The following UBE3C variants were observed in gnomAD, a reference collection of about 807,000 sequenced individuals.
UBE3C encodes ubiquitin-protein ligase E3C.
A neutral mutation model predicts 129.4 loss-of-function variants in UBE3C; 42 were observed. The ratio of observed to expected loss-of-function variants is 0.32; its 90% CI spans 0.25 to 0.42. The LOEUF is 0.42. Among genes scored for constraint, UBE3C ranks in the 10% least tolerant of loss-of-function variants. The probability of loss-of-function intolerance (pLI) is 1.00; values close to 1 mark genes in which losing one functional copy is unlikely to be tolerated. For missense variants in UBE3C, 1,049 were observed against 1,319.1 expected, an observed-to-expected ratio of 0.80 and a Z score of 3.17; for synonymous variants, 510 against 492.4, an observed-to-expected ratio of 1.04 and a Z score of -0.47.
At chr7:157,201,838 T>C (rs749998287) in intron 11 of UBE3C, 31 bp downstream of exon 11, 62 of 1,566,380 alleles carry the variant, frequency 4.0e-5, no homozygotes, top group Non-Finnish European at 5.1e-5. Flanking sequence ...TAAATTGAGC[T>C]CAAGGGCACA....
chr7:157,140,374 A>G (rs1271077306), intron 1 of UBE3C, among the ~76,000 whole-genome samples: 2 of 152,172 alleles, frequency 1.3e-5, no homozygotes, highest in Non-Finnish European at 2.9e-5. Context: ...GAACCTGGGT[A>G]AAGAGTTGGG....
At chr7:157,179,352 A>G (rs987341368) in intron 6 of UBE3C, among the ~76,000 whole-genome samples, 7 of 152,114 alleles carry the variant, frequency 4.6e-5, no homozygotes, top group African/African-American at 1.7e-4. Context: ...AGAATAGGAT[A>G]TTTAGTTTGA....
At chr7:157,184,250 T>C (rs1808749837) in intron 9 of UBE3C, among the ~76,000 whole-genome samples, 1 of 152,190 alleles carries the variant, frequency 6.6e-6, no homozygotes, top group Non-Finnish European at 1.5e-5. Context: ...GACACATAGC[T>C]TTGTGTTTGG....
At chr7:157,228,453 C>T (rs1795936261) in intron 17 of UBE3C, among the ~76,000 whole-genome samples, 2 of 152,224 alleles carry the variant, frequency 1.3e-5, no homozygotes, top group Non-Finnish European at 2.9e-5. Context: ...GAGAGTGAGG[C>T]ACAGCTGGCT....
chr7:157,225,323 A>C, intron 16 of UBE3C, 84 bp from the exon 17 acceptor site: 1 of 1,475,344 alleles, frequency 6.8e-7, no homozygotes, highest in Non-Finnish European at 9.1e-7. Flanking sequence ...AAGATACAAA[A>C]GATAAGATTT....
chr7:157,249,815 TTAA>T (rs1258489380), intron 19 of UBE3C, among the ~76,000 whole-genome samples: 3 of 152,244 alleles, frequency 2.0e-5, no homozygotes, highest in African/African-American at 7.2e-5. Flanking sequence ...AAAATAATTA[TTAA>T]TGAGTTAGTA....
intron 10 of UBE3C, among the ~76,000 whole-genome samples, chr7:157,190,267 TG>T (rs1223055458): frequency 6.6e-6 from 1 of 152,158 alleles, no homozygotes; most frequent in Non-Finnish European, 1.5e-5. Flanking sequence ...ACCTCTCCTC[TG>T]TCCCCTCCCA....
At chr7:157,256,776 C>A in intron 21 of UBE3C, 138 bp from the exon 22 acceptor site, 1 of 1,071,938 alleles carries the variant, frequency 9.3e-7, no homozygotes, top group Non-Finnish European at 1.4e-6. Flanking sequence ...AGGTGATACA[C>A]ACATGCCACG....
chr7:157,158,042 C>G (rs79730306), intron 1 of UBE3C, among the ~76,000 whole-genome samples: 1 of 133,468 alleles, frequency 7.5e-6, no homozygotes, highest in Non-Finnish European at 1.6e-5. Flanking sequence ...TCTGTACACT[C>G]TTTTTTCCTT....
chr7:157,162,361 A>G (rs1302014692), intron 1 of UBE3C, among the ~76,000 whole-genome samples: 1 of 151,072 alleles, frequency 6.6e-6, no homozygotes, highest in Non-Finnish European at 1.5e-5. Flanking sequence ...TGCCCGGCTA[A>G]TTTTTGTATT....
intron 1 of UBE3C, among the ~76,000 whole-genome samples, chr7:157,156,600 C>T (rs1382739701): frequency 4.6e-5 from 7 of 151,846 alleles, no homozygotes; most frequent in African/African-American, 9.7e-5. Flanking sequence ...GCACCGCATC[C>T]GGCCCCAATT....
chr7:157,213,818 A>G (rs1809661193), intron 13 of UBE3C, among the ~76,000 whole-genome samples: 1 of 152,230 alleles, frequency 6.6e-6, no homozygotes, highest in Non-Finnish European at 1.5e-5. Flanking sequence ...TTAGCAAATA[A>G]AAAGACAGGT....
intron 21 of UBE3C, 86 bp downstream of exon 21, chr7:157,254,396 T>TAA (rs1479337199): frequency 4.5e-5 from 31 of 685,558 alleles, no homozygotes; most frequent in Admixed American, 1.1e-4. Flanking sequence ...TTTAATTAAT[T>TAA]TATTTATTTT....
At chr7:157,223,210 G>A in intron 15 of UBE3C, 44 bp from the exon 16 acceptor site, 1 of 1,581,428 alleles carries the variant, frequency 6.3e-7, no homozygotes, top group Non-Finnish European at 8.7e-7. Context: ...GGAATGCAGG[G>A]GAAAGTACAA....
intron 13 of UBE3C, among the ~76,000 whole-genome samples, chr7:157,212,365 A>G (rs144647838): frequency 2.6e-5 from 4 of 152,342 alleles, no homozygotes; most frequent in African/African-American, 7.2e-5. Flanking sequence ...TGGTTGCAAT[A>G]CTATATCTAA....
chr7:157,196,921 A>G (rs780252633), intron 10 of UBE3C, among the ~76,000 whole-genome samples: 2 of 152,202 alleles, frequency 1.3e-5, no homozygotes, highest in Non-Finnish European at 2.9e-5. Flanking sequence ...GTGAGCGGAG[A>G]TAGCGCCATT....
intron 18 of UBE3C, among the ~76,000 whole-genome samples, chr7:157,246,696 C>A (rs143756267): frequency 6.6e-6 from 1 of 152,164 alleles, no homozygotes; most frequent in Non-Finnish European, 1.5e-5. Flanking sequence ...TTCCTGCCGT[C>A]CCTCATTCTC....
At chr7:157,252,788 G>A (rs1002758393) in intron 19 of UBE3C, among the ~76,000 whole-genome samples, 14 of 152,370 alleles carry the variant, frequency 9.2e-5, no homozygotes, top group Admixed American at 8.5e-4. Flanking sequence ...GAATGGAAAG[G>A]TAGGGAAGTT....
intron 11 of UBE3C, among the ~76,000 whole-genome samples, chr7:157,205,677 G>C (rs1422542270): frequency 6.6e-6 from 1 of 152,128 alleles, no homozygotes; most frequent in African/African-American, 2.4e-5. Context: ...TTTAAATTTT[G>C]GAAGAATGGC....
Sources: gnomAD v4.1 joint callset for allele counts (sites outside exome capture counted in the v4.1 genomes callset) on GRCh38, gnomAD v4.1.1 for gene constraint, MANE v1.5 for transcripts, NCBI Gene and HGNC (gene_info 2026-07-23, HGNC 2026-07-21) for gene names.